Variants in ARNT2 observed in about 807,000 individuals in gnomAD.
The protein encoded by ARNT2 is aryl hydrocarbon receptor nuclear translocator 2, also known as ARNT protein 2.
Under a neutral mutation model 91.7 loss-of-function variants are expected in ARNT2, and 36 were observed. The ratio of observed to expected loss-of-function variants is 0.39; its 90% CI spans 0.30 to 0.52. The LOEUF (loss-of-function observed/expected upper bound fraction) is 0.52. Among genes scored for constraint, ARNT2 ranks in the 20% least tolerant of loss-of-function variants. ARNT2 has a pLI of 0.72. For missense variants in ARNT2, 775 were observed against 939.3 expected (o/e 0.83, Z 2.29); for synonymous variants, 365 against 347.1 (o/e 1.05, Z -0.57).
intron 11 of ARNT2, among the ~76,000 whole-genome samples, chr15:80,559,094 A>G (rs558536447): frequency 6.6e-6 from 1 of 152,278 alleles, no homozygotes; most frequent in South Asian, 2.1e-4. Context: ...CCTCCAATGC[A>G]TTCAATCACA....
intron 1 of ARNT2, chr15:80,444,692 GGTGT>G (rs1023202953): frequency 1.3e-5 from 2 of 150,166 alleles, no homozygotes; most frequent in African/African-American, 4.9e-5. Context: ...TGATGTGAGT[GGTGT>G]GTGTGTGGTG....
At chr15:80,498,641 C>G (rs1325373334) in intron 5 of ARNT2, among the ~76,000 whole-genome samples, 1 of 152,184 alleles carries the variant, frequency 6.6e-6, no homozygotes, top group Non-Finnish European at 1.5e-5. Context: ...CCAGGAATGG[C>G]TGAGAGAGGC....
chr15:80,467,423 C>T (rs1472302168), intron 3 of ARNT2, among the ~76,000 whole-genome samples: 2 of 152,214 alleles, frequency 1.3e-5, no homozygotes, highest in South Asian at 2.1e-4. Context: ...GCAGCTGACA[C>T]GTGGTTGGAG....
chr15:80,491,138 A>T (rs150009210), intron 5 of ARNT2, among the ~76,000 whole-genome samples: 434 of 152,238 alleles, frequency 2.9e-3, no homozygotes, highest in Non-Finnish European at 4.8e-3. Flanking sequence ...TGGGGCAGGG[A>T]AGGTATTGGT....
intron 10 of ARNT2, 26 bp downstream of exon 10, chr15:80,552,800 G>A (rs1003483954): frequency 1.2e-6 from 2 of 1,606,388 alleles, no homozygotes; most frequent in Middle Eastern, 1.7e-4. Flanking sequence ...TGAGCCTATG[G>A]CAATTGACTA....
At chr15:80,510,724 G>C (rs556584120) in intron 6 of ARNT2, among the ~76,000 whole-genome samples, 10 of 152,252 alleles carry the variant, frequency 6.6e-5, no homozygotes, top group Admixed American at 3.3e-4. Flanking sequence ...TGCTACTCGG[G>C]AGGCTGAGGC....
intron 8 of ARNT2, among the ~76,000 whole-genome samples, chr15:80,519,162 T>G (rs1485933683): frequency 6.6e-6 from 1 of 152,226 alleles, no homozygotes; most frequent in Non-Finnish European, 1.5e-5. Flanking sequence ...TGCATGTAAA[T>G]CAGTGAAAAT....
chr15:80,425,166 G>A (rs1483376031), intron 1 of ARNT2, among the ~76,000 whole-genome samples: 1 of 152,196 alleles, frequency 6.6e-6, no homozygotes, highest in Non-Finnish European at 1.5e-5. Flanking sequence ...CAAGAAAGAT[G>A]AGCAGAGACT....
chr15:80,451,022 T>G (rs1343179570), intron 2 of ARNT2, 28 bp downstream of exon 2: 1 of 1,598,382 alleles, frequency 6.3e-7, no homozygotes, highest in East Asian at 2.2e-5. Context: ...TTCCAGGAAT[T>G]GGCTTAATAA....
chr15:80,452,874 G>T (rs1404062697), intron 2 of ARNT2, among the ~76,000 whole-genome samples: 2 of 152,326 alleles, frequency 1.3e-5, no homozygotes, highest in Non-Finnish European at 2.9e-5. Context: ...CCAGCCTGGT[G>T]TCCACACCCT....
chr15:80,435,939 A>G (rs959158379), intron 1 of ARNT2: 9 of 152,212 alleles, frequency 5.9e-5, no homozygotes, highest in African/African-American at 1.9e-4. Context: ...GATGCCATGC[A>G]CATGTGCAAT....
intron 2 of ARNT2, among the ~76,000 whole-genome samples, chr15:80,451,651 C>T (rs1896392758): frequency 6.6e-6 from 1 of 151,968 alleles, no homozygotes; most frequent in African/African-American, 2.4e-5. Flanking sequence ...ACTAACCAAC[C>T]AACCAACCAA....
At chr15:80,568,010 C>G (rs574005032) in intron 12 of ARNT2, among the ~76,000 whole-genome samples, 1 of 152,266 alleles carries the variant, frequency 6.6e-6, no homozygotes, top group African/African-American at 2.4e-5. Context: ...TTTGCAAGCT[C>G]GGTTGCTTTC....
Position 80,479,387 on chromosome 15 carries a change from A to G in ARNT2, c.622+4164A>G, listed in dbSNP as rs1043999718. Among the ~76,000 whole-genome samples the G allele has an allele frequency of 2.6e-5, 4 of 152,344 alleles. No homozygotes were observed. The East Asian group carries it at 5.8e-4, about 22-fold the overall frequency. On this transcript the variant is annotated intron_variant, in intron 5 of 18. Coordinates refer to ENST00000303329, the MANE Select transcript of ARNT2 (RefSeq NM_014862.4). ...ACATCATGGAGTGATGTGACTTGTC[A>G]TGATCTGACTTGTCTGCGAATAAAA...
At chr15:80,549,291 G>C (rs962750065) in intron 8 of ARNT2, among the ~76,000 whole-genome samples, 3 of 152,114 alleles carry the variant, frequency 2.0e-5, no homozygotes, top group African/African-American at 7.2e-5. Flanking sequence ...AAACAAGAGT[G>C]AATTTTTCCT....
intron 17 of ARNT2, among the ~76,000 whole-genome samples, chr15:80,582,191 C>T (rs1268749942): frequency 6.6e-6 from 1 of 152,092 alleles, no homozygotes; most frequent in Non-Finnish European, 1.5e-5. Context: ...GTCTGTCAGC[C>T]TTATGAACAA....
At chr15:80,454,935 T>C (rs1896459926) in intron 2 of ARNT2, among the ~76,000 whole-genome samples, 3 of 152,208 alleles carry the variant, frequency 2.0e-5, no homozygotes, top group Non-Finnish European at 2.9e-5. Flanking sequence ...TGAAGACTCT[T>C]CTATCATCCA....
intron 2 of ARNT2, among the ~76,000 whole-genome samples, chr15:80,455,666 T>C (rs1169613560): frequency 6.6e-6 from 1 of 152,022 alleles, no homozygotes; most frequent in Admixed American, 6.6e-5. Flanking sequence ...GTATCTCCAC[T>C]CCTATACTGA....
chr15:80,430,577 C>T (rs781077800), intron 1 of ARNT2, among the ~76,000 whole-genome samples: 2 of 152,202 alleles, frequency 1.3e-5, no homozygotes, highest in Non-Finnish European at 2.9e-5. Flanking sequence ...TCAACGGGAG[C>T]TGCAAATAGC....
Sources: gnomAD v4.1 joint callset for allele counts (sites outside exome capture counted in the v4.1 genomes callset) on GRCh38, gnomAD v4.1.1 for gene constraint, MANE v1.5 for transcripts, NCBI Gene and HGNC (gene_info 2026-07-23, HGNC 2026-07-21) for gene names.